Variants in CRYBB1 observed in about 807,000 individuals in gnomAD.
CRYBB1 encodes beta-crystallin B1.
CRYBB1 carries 16 observed loss-of-function variants against 29.5 expected under a neutral mutation model. The observed-to-expected ratio is 0.54, with a 90% CI of 0.37 to 0.82. The LOEUF is 0.82. Among genes scored for constraint, CRYBB1 ranks in the 40% least tolerant of loss-of-function variants. The pLI is 0.00. For synonymous variants in CRYBB1, 127 were observed against 136.7 expected (o/e 0.93, Z 0.49); for missense variants, 300 against 350.5 (o/e 0.86, Z 1.15).
intron 4 of CRYBB1, 88 bp from the exon 5 acceptor site, chr22:26,602,109 G>A: frequency 2.6e-6 from 4 of 1,539,180 alleles, no homozygotes; most frequent in Non-Finnish European, 3.5e-6. Context: ...TGTGGAGCGA[G>A]AGAGATGAGC....
intron 4 of CRYBB1, among the ~76,000 whole-genome samples, chr22:26,603,136 A>C (rs1045391403): frequency 9.5e-5 from 14 of 146,912 alleles, no homozygotes; most frequent in South Asian, 2.4e-4. Context: ...AAAAAAAAAA[A>C]AAAAAAAACA....
intron 4 of CRYBB1, among the ~76,000 whole-genome samples, chr22:26,605,978 A>G (rs1928965550): frequency 6.6e-6 from 1 of 152,200 alleles, no homozygotes. Context: ...GTGGCCCAAC[A>G]CAAATTTGTG....
At position 26,599,280 on chromosome 22, in the gene CRYBB1, CT is replaced by C. The variant is rs1390852527; in HGVS notation, c.*209del. Reference sequence around the variant, plus strand: ...AGACTCACATAACAGGCAGAAAGAACTTTTCAGTGTTTGCTGCTTTTATTAT... The same window carrying C: ...AGACTCACATAACAGGCAGAAAGAACTTTCAGTGTTTGCTGCTTTTATTAT... On this transcript the variant is annotated 3_prime_UTR_variant, in exon 6 of 6. Coordinates refer to ENST00000647684, the MANE Select transcript of CRYBB1 (RefSeq NM_001887.4). 48 of 587,102 alleles carry C rather than the reference CT, an allele frequency of 8.2e-5. No individual in the cohort carries two copies. Among genetic ancestry groups the C allele is most frequent in the Middle Eastern group, 4.5e-4 (1 of 2,202 alleles). 36.4% of individuals were successfully genotyped at this position (587,102 alleles called of 1,614,324 possible). A position where few individuals can be genotyped will look rare whatever the true frequency, so the allele number is the denominator to read the frequency against.
chr22:26,612,038 C>A, intron 3 of CRYBB1, 34 bp downstream of exon 3: 1 of 1,470,742 alleles, frequency 6.8e-7, no homozygotes. Context: ...TTTACTGTGG[C>A]AGAGAGTGTG....
rs1928851090 is a variant in CRYBB1 at position 26,602,482 on chromosome 22, T to C, written c.433-461A>G. ...GGTGCATGCCTGTAGTCTCAGCTAC[T>C]TGGAAGGCTGAGGCAGGAGGATTGC... On this transcript the variant is annotated intron_variant, in intron 4 of 5. Transcript: ENST00000647684. 2.0e-5 allele frequency among the ~76,000 whole-genome samples: 3 copies of C among 151,776 alleles called. No homozygotes were observed. The South Asian group carries it at 6.2e-4, about 32-fold the overall frequency.
chr22:26,613,957 G>A (rs992534520), intron 2 of CRYBB1, among the ~76,000 whole-genome samples: 10 of 152,134 alleles, frequency 6.6e-5, no homozygotes, highest in African/African-American at 1.9e-4. Context: ...GGGCGTGGTC[G>A]TCTCTTATGG....
chr22:26,599,844 C>T (rs1483648231), intron 5 of CRYBB1, among the ~76,000 whole-genome samples, 171 bp from the exon 6 acceptor site: 2 of 152,248 alleles, frequency 1.3e-5, no homozygotes, highest in Non-Finnish European at 2.9e-5. Flanking sequence ...GACTTTGCCT[C>T]TCTGATAGGC....
chr22:26,616,109 G>A, intron 2 of CRYBB1, 31 bp downstream of exon 2: 1 of 1,585,200 alleles, frequency 6.3e-7, no homozygotes, highest in Non-Finnish European at 8.7e-7. Flanking sequence ...AGAAGGCATG[G>A]CACCCAGCCA....
In CRYBB1 at chr22:26,607,888, C is replaced by T; in HGVS notation, c.432+1G>A. 6.2e-7 allele frequency: 1 copy of T among 1,614,206 alleles called. No homozygotes were observed. The highest frequency in any genetic ancestry group is 8.5e-7 in the Non-Finnish European group (1 of 1,180,044). On this transcript the variant is annotated splice_donor_variant, in intron 4 of 5. Coordinates refer to ENST00000647684, the MANE Select transcript of CRYBB1 (RefSeq NM_001887.4). LOFTEE classifies it high-confidence loss of function. ...CCAGCCCCAGCCGGAGAGCCACTCA[C>T]CATTTTGATGGGCCGGAAGGACATG...
Position 26,599,374 on chromosome 22 carries a change from G to C in CRYBB1, c.*116C>G. 1 of 1,001,972 alleles carries C rather than the reference G, an allele frequency of 1.0e-6. No individual in the cohort carries two copies. The highest frequency in any genetic ancestry group is 1.5e-6 in the Non-Finnish European group (1 of 655,902). 62.1% of individuals were successfully genotyped at this position (1,001,972 alleles called of 1,614,324 possible). On this transcript the variant is annotated 3_prime_UTR_variant, in exon 6 of 6. Transcript: ENST00000647684. ...ATGGGGGACCTCAAGGCACACATCT[G>C]TTTACAGATCCAGGAGAAATTTTGG...
chr22:26,604,885 G>A (rs1356440215), intron 4 of CRYBB1, among the ~76,000 whole-genome samples: 3 of 152,128 alleles, frequency 2.0e-5, no homozygotes, highest in Admixed American at 2.0e-4. Context: ...ACTGCTAGAG[G>A]GGTCAAGACT....
Position 26,618,024 on chromosome 22 carries a change from C to G in CRYBB1, c.-67G>C, listed in dbSNP as rs1929413895. ...TGGAGGACAGGCAGGCGGGCAGGTG[C>G]TATGGGTGACTAGAGTCCGACCCCC... On this transcript the variant is annotated 5_prime_UTR_variant, in exon 1 of 6. Coordinates refer to ENST00000647684, the MANE Select transcript of CRYBB1 (RefSeq NM_001887.4). 6.5e-6 allele frequency: 1 copy of G among 153,306 alleles called. No homozygotes were observed. The highest frequency in any genetic ancestry group is 1.5e-5 in the Non-Finnish European group (1 of 68,582). 9.5% of individuals were successfully genotyped at this position (153,306 alleles called of 1,614,324 possible).
At chr22:26,611,360 T>A (rs981865613) in intron 3 of CRYBB1, among the ~76,000 whole-genome samples, 1 of 152,208 alleles carries the variant, frequency 6.6e-6, no homozygotes, top group East Asian at 1.9e-4. Context: ...ATGCTTATCA[T>A]TACTCCCAGG....
At chr22:26,611,465 TTTTG>T (rs1569206609) in intron 3 of CRYBB1, among the ~76,000 whole-genome samples, 25 of 136,392 alleles carry the variant, frequency 1.8e-4, no homozygotes, top group African/African-American at 6.1e-4. Context: ...TTTTTTTTTT[TTTTG>T]TTTTTTTTTT....
chr22:26,612,299 G>C, intron 2 of CRYBB1, 109 bp from the exon 3 acceptor site: 1 of 726,948 alleles, frequency 1.4e-6, no homozygotes, highest in South Asian at 1.5e-5. Context: ...ATAAAAGTGT[G>C]ATGAGCCACA....
Position 26,602,039 on chromosome 22 carries a change from G to A in CRYBB1, c.433-18C>T, listed in dbSNP as rs754719678. On this transcript the variant is annotated intron_variant, in intron 4 of 5. Coordinates refer to ENST00000647684, the MANE Select transcript of CRYBB1 (RefSeq NM_001887.4). ...TGGGCATCCTGGGGAAAGAGAGGCC[G>A]GGTCAGGTGTGTGAAGTACAAATGG... 21 of 1,612,838 alleles carry A rather than the reference G, an allele frequency of 1.3e-5. No individual in the cohort carries two copies. Among genetic ancestry groups the A allele is most frequent in the African/African-American group, 1.2e-4 (9 of 74,894 alleles).
intron 4 of CRYBB1, among the ~76,000 whole-genome samples, chr22:26,602,505 T>C (rs1014740692): frequency 2.0e-5 from 3 of 150,880 alleles, no homozygotes; most frequent in African/African-American, 7.3e-5. Flanking sequence ...GCAGGAGGAT[T>C]GCTTGAGCCC....
At chr22:26,602,098 G>A in intron 4 of CRYBB1, 77 bp from the exon 5 acceptor site, 4 of 1,572,280 alleles carry the variant, frequency 2.5e-6, no homozygotes, top group Non-Finnish European at 2.6e-6. Context: ...GGCCTTCTGG[G>A]TGTGGAGCGA....
At chr22:26,608,398 T>A (rs1299467820) in intron 3 of CRYBB1, among the ~76,000 whole-genome samples, 2 of 150,988 alleles carry the variant, frequency 1.3e-5, no homozygotes, top group Non-Finnish European at 3.0e-5. Flanking sequence ...CATTTGAAAC[T>A]TGACGCCAGC....
Sources: gnomAD v4.1 joint callset for allele counts (sites outside exome capture counted in the v4.1 genomes callset) on GRCh38, gnomAD v4.1.1 for gene constraint, MANE v1.5 for transcripts, NCBI Gene and HGNC (gene_info 2026-07-23, HGNC 2026-07-21) for gene names.